Variants in OSBPL11 observed in about 807,000 individuals in gnomAD.
OSBPL11 encodes the protein oxysterol-binding protein-related protein 11.
Under a neutral mutation model 84.4 loss-of-function variants are expected in OSBPL11, and 33 were observed. The observed-to-expected ratio is 0.39, with a 90% CI of 0.30 to 0.52. OSBPL11 has a LOEUF of 0.52. OSBPL11 is among the 20% of genes least tolerant of loss of function. The pLI, the probability that OSBPL11 is intolerant of heterozygous loss-of-function variation, is 0.72. For missense variants in OSBPL11, 736 were observed against 901.1 expected (o/e 0.82, Z 2.35); for synonymous variants, 276 against 310.2 (o/e 0.89, Z 1.16).
intron 7 of OSBPL11, among the ~76,000 whole-genome samples, chr3:125,561,063 T>C (rs1026065006): frequency 1.3e-5 from 2 of 152,102 alleles, no homozygotes; most frequent in Admixed American, 6.6e-5. Context: ...AGTGCAGTGG[T>C]GTTAGCTCAC....
chr3:125,578,176 A>G (rs1936360126), intron 4 of OSBPL11, among the ~76,000 whole-genome samples: 1 of 152,210 alleles, frequency 6.6e-6, no homozygotes, highest in Non-Finnish European at 1.5e-5. Flanking sequence ...ACAATAAAAT[A>G]TTACTCAGTC....
intron 9 of OSBPL11, 110 bp downstream of exon 9, chr3:125,552,071 G>A (rs988127216): frequency 3.3e-6 from 2 of 613,292 alleles, no homozygotes; most frequent in South Asian, 1.5e-4. Context: ...TTTCTTTCCT[G>A]TTCTAAAGCC....
intron 11 of OSBPL11, among the ~76,000 whole-genome samples, chr3:125,532,589 A>AAC (rs1481513209): frequency 6.0e-5 from 9 of 150,610 alleles, no homozygotes; most frequent in Non-Finnish European, 8.8e-5. Flanking sequence ...AAAAAAAAAA[A>AAC]AAACAAAAAA....
intron 3 of OSBPL11, among the ~76,000 whole-genome samples, chr3:125,579,505 T>G (rs907267759): frequency 1.7e-4 from 26 of 152,150 alleles, no homozygotes; most frequent in African/African-American, 5.8e-4. Flanking sequence ...ATCCCAATAA[T>G]GTACATTAGT....
intron 1 of OSBPL11, among the ~76,000 whole-genome samples, chr3:125,591,544 C>G (rs951725137): frequency 1.3e-5 from 2 of 152,060 alleles, no homozygotes; most frequent in Non-Finnish European, 1.5e-5. Flanking sequence ...AGTTTTTTGT[C>G]CAATGGGCCA....
chr3:125,556,283 T>C (rs1036062222), intron 8 of OSBPL11, among the ~76,000 whole-genome samples: 3 of 152,194 alleles, frequency 2.0e-5, no homozygotes, highest in African/African-American at 7.2e-5. Flanking sequence ...AACCTCAGGA[T>C]AAAATAGCCT....
chr3:125,538,963 ATATT>A (rs1379433893), intron 10 of OSBPL11, among the ~76,000 whole-genome samples: 1 of 147,848 alleles, frequency 6.8e-6, no homozygotes, highest in Non-Finnish European at 1.5e-5. Context: ...GAAAAAATCA[ATATT>A]TATTAGTCTA....
chr3:125,551,164 T>TA (rs1250361844), intron 9 of OSBPL11, among the ~76,000 whole-genome samples: 194 of 93,960 alleles, frequency 2.1e-3, no homozygotes, highest in East Asian at 6.0e-3. Flanking sequence ...ACCCTGTTTC[T>TA]AAAAAAAAAA....
intron 1 of OSBPL11, 61 bp from the exon 2 acceptor site, chr3:125,583,039 G>T: frequency 2.4e-6 from 3 of 1,249,214 alleles, no homozygotes; most frequent in Non-Finnish European, 2.2e-6. Flanking sequence ...GGAGGATAAT[G>T]GTACAATTTT....
intron 10 of OSBPL11, among the ~76,000 whole-genome samples, chr3:125,545,335 G>C (rs1935794924): frequency 6.6e-6 from 1 of 152,108 alleles, no homozygotes; most frequent in Non-Finnish European, 1.5e-5. Context: ...TTCTTTATTT[G>C]CTTTAACAGA....
At chr3:125,531,274 G>T (rs1326042001) in intron 12 of OSBPL11, among the ~76,000 whole-genome samples, 1 of 149,764 alleles carries the variant, frequency 6.7e-6, no homozygotes, top group Non-Finnish European at 1.5e-5. Flanking sequence ...CACCGCGCCA[G>T]GCCCCCCAGC....
At position 125,576,260 on chromosome 3, in the gene OSBPL11, C is replaced by G. The variant is rs753273642; in HGVS notation, c.595G>C (p.Gly199Arg). The G allele has an allele frequency of 1.9e-6, 3 of 1,609,730 alleles. No homozygotes were observed. In the East Asian group the frequency reaches 6.7e-5, roughly 36 times the overall value. ...SQNAISFFNV[G>R]HSKLQSLSKR... ...CTCAGTGATTGCAGTTTGGAATGTC[C>G]AACATTAAAAAAAGAAATGGCATTT... Residue 199 changes from glycine (G) to arginine (R), a missense_variant, in exon 5 of 13, where the codon GGA becomes CGA. Physicochemically the swap from Gly to Arg is moderately radical, Grantham distance 125. Transcript: ENST00000296220.
At chr3:125,584,593 G>T (rs114618638) in intron 1 of OSBPL11, among the ~76,000 whole-genome samples, 12 of 152,198 alleles carry the variant, frequency 7.9e-5, no homozygotes, top group African/African-American at 2.9e-4. Context: ...CTACATAAAT[G>T]TCAAGTCATA....
intron 1 of OSBPL11, among the ~76,000 whole-genome samples, chr3:125,593,173 A>G (rs1236484128): frequency 1.3e-5 from 2 of 152,168 alleles, no homozygotes; most frequent in Non-Finnish European, 2.9e-5. Flanking sequence ...ACAGCCCCAT[A>G]GCAGGTCAGG....
chr3:125,557,164 T>C (rs1468866798), intron 8 of OSBPL11, among the ~76,000 whole-genome samples: 1 of 152,162 alleles, frequency 6.6e-6, no homozygotes, highest in East Asian at 1.9e-4. Context: ...TTTCATAATA[T>C]TATTTAAAAA....
At chr3:125,577,742 T>C (rs1303240563) in intron 4 of OSBPL11, among the ~76,000 whole-genome samples, 11 of 151,994 alleles carry the variant, frequency 7.2e-5, no homozygotes, top group Non-Finnish European at 1.3e-4. Flanking sequence ...GGCAGGAGAA[T>C]TGCTTAAACT....
At chr3:125,532,588 A>C (rs892996229) in intron 11 of OSBPL11, among the ~76,000 whole-genome samples, 5 of 150,550 alleles carry the variant, frequency 3.3e-5, no homozygotes, top group Non-Finnish European at 7.4e-5. Context: ...AAAAAAAAAA[A>C]AAAACAAAAA....
intron 1 of OSBPL11, among the ~76,000 whole-genome samples, chr3:125,589,342 C>CA (rs35267505): frequency 0.025 from 1,518 of 61,572 alleles, 40 homozygotes; most frequent in Non-Finnish European, 0.035. Flanking sequence ...AACTCCATCT[C>CA]AAAAAAAAAA....
At chr3:125,539,773 T>C (rs1935703267) in intron 10 of OSBPL11, among the ~76,000 whole-genome samples, 1 of 152,056 alleles carries the variant, frequency 6.6e-6, no homozygotes, top group Non-Finnish European at 1.5e-5. Flanking sequence ...GTGAGGTATT[T>C]TATGTTCACT....
Sources: allele counts gnomAD v4.1 joint callset (sites outside exome capture counted in the v4.1 genomes callset), GRCh38; gene constraint gnomAD v4.1.1; transcripts MANE v1.5; gene names NCBI Gene and HGNC (gene_info 2026-07-23, HGNC 2026-07-21).